The following RBFOX1 variants were observed in gnomAD, a reference collection of about 807,000 sequenced individuals.
The protein encoded by RBFOX1 is RNA binding protein fox-1 homolog 1.
In RBFOX1, 8 loss-of-function variants were observed where a neutral mutation model predicts 57.7. The observed-to-expected ratio is 0.14, with a 90% CI of 0.08 to 0.25. RBFOX1 has a LOEUF of 0.25. Ranked by LOEUF, RBFOX1 falls within the 10% of genes least tolerant of loss-of-function variation. The pLI, the probability that RBFOX1 is intolerant of heterozygous loss-of-function variation, is 1.00. For missense variants in RBFOX1, 611 were observed against 548.5 expected (o/e 1.11, Z -1.14); for synonymous variants, 326 against 222.4 (o/e 1.47, Z -4.15).
intron 4 of RBFOX1, among the ~76,000 whole-genome samples, chr16:7,244,462 C>T (rs933153714): frequency 6.6e-6 from 1 of 152,080 alleles, no homozygotes. Flanking sequence ...CAAGTTTGGC[C>T]ATCCTCTTTG....
intron 3 of RBFOX1, among the ~76,000 whole-genome samples, chr16:6,880,482 A>G (rs2062715631): frequency 6.6e-6 from 1 of 152,174 alleles, no homozygotes; most frequent in South Asian, 2.1e-4. Context: ...AGGTGGACAA[A>G]TGATGCAAAA....
At chr16:5,980,602 T>A (rs1263263531) in intron 4 of RBFOX1, among the ~76,000 whole-genome samples, 1 of 152,086 alleles carries the variant, frequency 6.6e-6, no homozygotes, top group African/African-American at 2.4e-5. Context: ...AGTTGAGGGG[T>A]CTGCTTGGTG....
chr16:5,826,096 T>C (rs1014769934), intron 3 of RBFOX1, among the ~76,000 whole-genome samples: 2 of 148,702 alleles, frequency 1.3e-5, no homozygotes. Flanking sequence ...TTAATATGAA[T>C]AAGGAATAAT....
chr16:7,377,891 C>T (rs991875257), intron 4 of RBFOX1, among the ~76,000 whole-genome samples: 1 of 152,120 alleles, frequency 6.6e-6, no homozygotes, highest in Non-Finnish European at 1.5e-5. Context: ...GATTGATGCT[C>T]CCATAGTTTG....
At chr16:7,367,365 A>G (rs2097474749) in intron 4 of RBFOX1, among the ~76,000 whole-genome samples, 1 of 152,116 alleles carries the variant, frequency 6.6e-6, no homozygotes, top group Admixed American at 6.5e-5. Flanking sequence ...TCAGGTGTAA[A>G]TCTGTCATTT....
chr16:7,260,038 C>G (rs1175612250), intron 4 of RBFOX1, among the ~76,000 whole-genome samples: 3 of 152,132 alleles, frequency 2.0e-5, no homozygotes, highest in Non-Finnish European at 4.4e-5. Flanking sequence ...TGTTTATAAG[C>G]TCCATAAGAA....
intron 2 of RBFOX1, among the ~76,000 whole-genome samples, chr16:6,500,523 T>G (rs934558703): frequency 9.2e-5 from 14 of 152,148 alleles, no homozygotes; most frequent in Non-Finnish European, 1.3e-4. Context: ...GAAATATGAT[T>G]AAGTCATCTC....
chr16:5,872,689 T>C (rs908861762), intron 4 of RBFOX1, among the ~76,000 whole-genome samples: 8 of 151,894 alleles, frequency 5.3e-5, no homozygotes, highest in Admixed American at 3.9e-4. Flanking sequence ...TGAGGCAAGA[T>C]TGCACCACTG....
chr16:6,911,229 G>T (rs1025556338), intron 3 of RBFOX1, among the ~76,000 whole-genome samples: 5 of 148,472 alleles, frequency 3.4e-5, no homozygotes, highest in Non-Finnish European at 5.9e-5. Flanking sequence ...GCAAACTGAA[G>T]ACTTGAACCT....
At chr16:5,747,536 C>G (rs1395611436) in intron 3 of RBFOX1, among the ~76,000 whole-genome samples, 2 of 151,878 alleles carry the variant, frequency 1.3e-5, no homozygotes, top group Non-Finnish European at 2.9e-5. Flanking sequence ...GGTTGGTAGG[C>G]TATTATTGCC....
intron 1 of RBFOX1, among the ~76,000 whole-genome samples, chr16:5,245,535 C>T (rs1451300901): frequency 1.3e-5 from 2 of 152,162 alleles, no homozygotes; most frequent in South Asian, 2.1e-4. Flanking sequence ...GAACCCACCT[C>T]CCAGGTTCAA....
chr16:5,619,321 G>C (rs1221198800), intron 3 of RBFOX1, among the ~76,000 whole-genome samples: 1 of 152,160 alleles, frequency 6.6e-6, no homozygotes, highest in African/African-American at 2.4e-5. Context: ...CGGAGGGCCT[G>C]AGTTCCTTGG....
intron 2 of RBFOX1, among the ~76,000 whole-genome samples, chr16:6,463,805 C>T (rs994705872): frequency 6.6e-6 from 1 of 152,180 alleles, no homozygotes; most frequent in African/African-American, 2.4e-5. Flanking sequence ...GAATCACGTG[C>T]CCATCACTAA....
At chr16:7,251,304 G>C (rs1028491995) in intron 4 of RBFOX1, among the ~76,000 whole-genome samples, 2 of 151,890 alleles carry the variant, frequency 1.3e-5, no homozygotes, top group Admixed American at 6.6e-5. Flanking sequence ...CACTCAACAT[G>C]ACATCCTCCA....
rs2064072932 is a variant in RBFOX1 at position 5,311,022 on chromosome 16, T to C, written c.219+70917T>C. On this transcript the variant is annotated intron_variant, in intron 1 of 2. Coordinates refer to the RBFOX1 transcript ENST00000585867. ...CCCCTGCTTCTGAGTCTTCATTGTC[T>C]GTGATACCACTCTGTATGCCTTTAT... 2.6e-5 allele frequency among the ~76,000 whole-genome samples: 4 copies of C among 152,176 alleles called. No homozygotes were observed. The South Asian group carries it at 8.3e-4, about 32-fold the overall frequency.
intron 3 of RBFOX1, among the ~76,000 whole-genome samples, chr16:6,955,123 C>G (rs1305389215): frequency 6.6e-5 from 10 of 151,616 alleles, no homozygotes. Flanking sequence ...TGCCTGTAGT[C>G]CCAGCTACTT....
chr16:6,768,456 C>A (rs990291385), intron 3 of RBFOX1, among the ~76,000 whole-genome samples: 2 of 151,770 alleles, frequency 1.3e-5, no homozygotes, highest in Admixed American at 6.6e-5. Flanking sequence ...GAAAATTCCC[C>A]CCCAGCCCAC....
chr16:6,308,343 C>T (rs574668310), intron 1 of RBFOX1, among the ~76,000 whole-genome samples: 4 of 152,154 alleles, frequency 2.6e-5, no homozygotes, highest in Non-Finnish European at 4.4e-5. Flanking sequence ...AATCCATGTT[C>T]TTGAGCTTGC....
chr16:5,557,148 T>C (rs532697642), intron 2 of RBFOX1, among the ~76,000 whole-genome samples: 1 of 151,966 alleles, frequency 6.6e-6, no homozygotes, highest in South Asian at 2.1e-4. Flanking sequence ...TAGTCCCAGC[T>C]ACTCAGGAGG....
Sources: gnomAD v4.1 joint callset for allele counts (sites outside exome capture counted in the v4.1 genomes callset) on GRCh38, gnomAD v4.1.1 for gene constraint, MANE v1.5 for transcripts, NCBI Gene and HGNC (gene_info 2026-07-23, HGNC 2026-07-21) for gene names.